PRKG1: variants seen among roughly 807,000 people sequenced by gnomAD.
PRKG1 encodes the protein protein kinase cGMP-dependent 1.
PRKG1 carries 35 observed loss-of-function variants against 88.1 expected under a neutral mutation model. The observed-to-expected ratio is 0.40, with a 90% CI of 0.30 to 0.53. The LOEUF is 0.53. Among genes scored for constraint, PRKG1 ranks in the 20% least tolerant of loss-of-function variants. The pLI, the probability that PRKG1 is intolerant of heterozygous loss-of-function variation, is 0.59. For synonymous variants in PRKG1, 303 were observed against 292.5 expected, an observed-to-expected ratio of 1.04 and a Z score of -0.37; for missense variants, 540 against 839.8, an observed-to-expected ratio of 0.64 and a Z score of 4.41.
rs140918920 is a variant in PRKG1, at chr10:52,030,355, G to A, written c.763-24129G>A. 4.3e-3 allele frequency among the ~76,000 whole-genome samples: 654 copies of A among 152,246 alleles called. 6 individuals are homozygous for A. The highest frequency in any genetic ancestry group is 0.014 in the African/African-American group (599 of 41,536). On this transcript the variant is annotated intron_variant, in intron 5 of 17. Transcript: ENST00000373980. ...TGAGAGTAATTCTCTGAACCCCCAT[G>A]CCACTGAGGATTTCTTGTTGTATAC...
intron 2 of PRKG1, among the ~76,000 whole-genome samples, chr10:51,454,559 T>G (rs898411706): frequency 6.6e-6 from 1 of 152,154 alleles, no homozygotes; most frequent in Non-Finnish European, 1.5e-5. Context: ...CTGGGTAATT[T>G]ATAAGGAAAA....
intron 2 of PRKG1, among the ~76,000 whole-genome samples, chr10:51,415,014 A>G (rs1162447428): frequency 1.3e-5 from 2 of 152,200 alleles, no homozygotes; most frequent in East Asian, 3.8e-4. Context: ...ACATGTATTA[A>G]CTCAATTATT....
At chr10:51,322,740 A>G (rs1564446098) in intron 2 of PRKG1, among the ~76,000 whole-genome samples, 1 of 152,202 alleles carries the variant, frequency 6.6e-6, no homozygotes, top group Non-Finnish European at 1.5e-5. Flanking sequence ...AACTAAGGTC[A>G]ATCAAATTAG....
intron 14 of PRKG1, among the ~76,000 whole-genome samples, chr10:52,282,628 G>A (rs967221045): frequency 2.0e-5 from 3 of 151,992 alleles, no homozygotes; most frequent in South Asian, 2.1e-4. Flanking sequence ...ATGAAACAGG[G>A]GAGATGATAA....
intron 2 of PRKG1, among the ~76,000 whole-genome samples, chr10:51,215,606 A>G (rs1049412028): frequency 6.6e-6 from 1 of 152,164 alleles, no homozygotes; most frequent in Non-Finnish European, 1.5e-5. Flanking sequence ...TTGTTTATTC[A>G]TGGTAAGAGG....
intron 3 of PRKG1, among the ~76,000 whole-genome samples, chr10:51,683,565 A>G (rs558442579): frequency 5.3e-5 from 8 of 152,268 alleles, no homozygotes; most frequent in African/African-American, 1.9e-4. Flanking sequence ...GGGTTTGGGT[A>G]GGGTTTTATA....
At chr10:51,786,953 G>A (rs1003115897) in intron 3 of PRKG1, among the ~76,000 whole-genome samples, 1 of 152,050 alleles carries the variant, frequency 6.6e-6, no homozygotes, top group Non-Finnish European at 1.5e-5. Context: ...TGTGTATAAG[G>A]TTATGCATTC....
rs185223934 is a variant in PRKG1 at position 51,163,936 on chromosome 10, C to T, written c.478+10606C>T. On this transcript the variant is annotated intron_variant, in intron 2 of 17. Coordinates refer to ENST00000373980, the MANE Select transcript of PRKG1 (RefSeq NM_006258.4). ...GCCCACCACAGCTCAAGGAGGCCTG[C>T]CTGCCTCTGTAGGCTCCACTTCTGG... Among the ~76,000 whole-genome samples, 742 of 152,350 alleles carry T rather than the reference C, an allele frequency of 4.9e-3. 10 individuals are homozygous for T. Among genetic ancestry groups the T allele is most frequent in the African/African-American group, 0.017 (698 of 41,586 alleles).
chr10:51,698,329 C>T (rs1841362133), intron 3 of PRKG1: 1 of 1,614,058 alleles, frequency 6.2e-7, no homozygotes, highest in Admixed American at 1.7e-5. Flanking sequence ...CTCTACCATC[C>T]ATAGGTAGAC....
intron 4 of PRKG1, among the ~76,000 whole-genome samples, chr10:51,891,180 C>T (rs1841710850): frequency 6.6e-6 from 1 of 152,098 alleles, no homozygotes; most frequent in South Asian, 2.1e-4. Context: ...AGGAAGATCA[C>T]GTGAGCTCAG....
chr10:52,164,092 T>C (rs905137016), intron 9 of PRKG1, among the ~76,000 whole-genome samples: 21 of 152,204 alleles, frequency 1.4e-4, no homozygotes, highest in South Asian at 6.2e-4. Context: ...GGCTCGTGCC[T>C]GTAATCCCAG....
intron 3 of PRKG1, among the ~76,000 whole-genome samples, chr10:51,800,895 A>G (rs77742505): frequency 0.023 from 3,492 of 152,184 alleles, 120 homozygotes; most frequent in African/African-American, 0.078. Flanking sequence ...CCACCCTCTG[A>G]TAGCATCACA....
At chr10:51,208,172 A>C (rs1372198073) in intron 2 of PRKG1, among the ~76,000 whole-genome samples, 1 of 152,234 alleles carries the variant, frequency 6.6e-6, no homozygotes, top group Admixed American at 6.5e-5. Context: ...GTCTTTGTCC[A>C]TTAAAACTCC....
At chr10:52,054,000 A>C (rs564545595) in intron 5 of PRKG1, among the ~76,000 whole-genome samples, 2 of 152,312 alleles carry the variant, frequency 1.3e-5, no homozygotes, top group East Asian at 3.9e-4. Flanking sequence ...ATAAAACTCA[A>C]TGAGAATGAC....
chr10:51,844,530 A>G (rs1840353699), intron 4 of PRKG1, among the ~76,000 whole-genome samples: 1 of 152,188 alleles, frequency 6.6e-6, no homozygotes, highest in Admixed American at 6.5e-5. Flanking sequence ...AGGTTAATTA[A>G]TTTTAAATCA....
intron 7 of PRKG1, among the ~76,000 whole-genome samples, chr10:52,084,638 C>T (rs575079319): frequency 7.9e-5 from 12 of 152,040 alleles, no homozygotes; most frequent in Admixed American, 5.2e-4. Context: ...CAATCGTTCA[C>T]CCTTTTCTCC....
intron 2 of PRKG1, among the ~76,000 whole-genome samples, chr10:51,171,753 T>C (rs745725782): frequency 6.6e-6 from 1 of 152,100 alleles, no homozygotes; most frequent in Non-Finnish European, 1.5e-5. Context: ...TTTGCCATAT[T>C]TGTTTCACTT....
chr10:51,521,590 G>GA (rs1402885971), intron 3 of PRKG1, among the ~76,000 whole-genome samples: 6 of 152,168 alleles, frequency 3.9e-5, no homozygotes. Flanking sequence ...GTAGCCAAGG[G>GA]AAAATAACAC....
At chr10:51,586,561 T>A (rs1331383475) in intron 3 of PRKG1, among the ~76,000 whole-genome samples, 2 of 152,198 alleles carry the variant, frequency 1.3e-5, no homozygotes, top group African/African-American at 4.8e-5. Context: ...TAAAACTTTA[T>A]TAAAATGTTA....
Sources: allele counts gnomAD v4.1 joint callset (sites outside exome capture counted in the v4.1 genomes callset), GRCh38; gene constraint gnomAD v4.1.1; transcripts MANE v1.5; gene names NCBI Gene and HGNC (gene_info 2026-07-23, HGNC 2026-07-21).